Variants in RORA observed in about 807,000 individuals in gnomAD.
RORA encodes the protein nuclear receptor ROR-alpha.
RORA carries 7 observed loss-of-function variants against 69.5 expected under a neutral mutation model. That is an observed-to-expected ratio of 0.10 (90% CI 0.06 to 0.19). The LOEUF (loss-of-function observed/expected upper bound fraction) is 0.19, where lower values mean the gene tolerates loss of function less well. Among genes scored for constraint, RORA ranks in the 10% least tolerant of loss-of-function variants. The pLI, the probability that RORA is intolerant of heterozygous loss-of-function variation, is 1.00. For missense variants in RORA, 457 were observed against 663.0 expected (o/e 0.69, Z 3.41); for synonymous variants, 261 against 240.8 (o/e 1.08, Z -0.78).
At chr15:60,795,531 C>T (rs2072483941) in intron 1 of RORA, among the ~76,000 whole-genome samples, 1 of 152,216 alleles carries the variant, frequency 6.6e-6, no homozygotes, top group South Asian at 2.1e-4. Flanking sequence ...TTCGCTGAGG[C>T]ACAGTTTGAT....
intron 1 of RORA, among the ~76,000 whole-genome samples, chr15:60,828,819 C>T (rs533979316): frequency 5.3e-5 from 8 of 152,308 alleles, no homozygotes; most frequent in African/African-American, 1.9e-4. Flanking sequence ...CGGCTCTCCA[C>T]CAGTAGTTCT....
At chr15:61,066,043 A>T (rs2140564774) in intron 1 of RORA, among the ~76,000 whole-genome samples, 1 of 152,224 alleles carries the variant, frequency 6.6e-6, no homozygotes, top group South Asian at 2.1e-4. Flanking sequence ...CCTTTTACTT[A>T]TGTCTATTTG....
intron 1 of RORA, among the ~76,000 whole-genome samples, chr15:61,041,673 C>T (rs1896780261): frequency 6.6e-6 from 1 of 152,178 alleles, no homozygotes; most frequent in South Asian, 2.1e-4. Flanking sequence ...ATCTTCCTGC[C>T]TCACATTCCC....
At chr15:60,507,785 AG>A (rs1194758071) in intron 5 of RORA, among the ~76,000 whole-genome samples, 2 of 152,148 alleles carry the variant, frequency 1.3e-5, no homozygotes, top group Non-Finnish European at 2.9e-5. Flanking sequence ...GCAGGGAAGT[AG>A]GGGGGGATGC....
chr15:61,200,969 TG>T (rs1192127264), intron 1 of RORA, among the ~76,000 whole-genome samples: 1 of 152,240 alleles, frequency 6.6e-6, no homozygotes, highest in East Asian at 1.9e-4. Context: ...GAAGCCGACT[TG>T]TTTTAACAAA....
intron 1 of RORA, among the ~76,000 whole-genome samples, chr15:61,115,278 CAAA>C (rs10551257): frequency 0.078 from 11,402 of 146,366 alleles, 675 homozygotes; most frequent in East Asian, 0.25. Flanking sequence ...ATGGATATTC[CAAA>C]AAAAAAAAAA....
intron 2 of RORA, among the ~76,000 whole-genome samples, chr15:60,633,725 G>A (rs796416673): frequency 2.4e-4 from 36 of 152,294 alleles, no homozygotes; most frequent in African/African-American, 7.9e-4. Context: ...TGTATACAAG[G>A]GAAAACTATG....
chr15:60,921,851 C>G (rs1892057554), intron 1 of RORA, among the ~76,000 whole-genome samples: 1 of 152,174 alleles, frequency 6.6e-6, no homozygotes, highest in Admixed American at 6.5e-5. Flanking sequence ...ACACCTAGCA[C>G]TGAACCTCAC....
At chr15:61,054,102 T>C (rs886153398) in intron 1 of RORA, among the ~76,000 whole-genome samples, 2 of 151,716 alleles carry the variant, frequency 1.3e-5, no homozygotes, top group African/African-American at 4.8e-5. Flanking sequence ...TTCAAGCAAA[T>C]CCACTTGGAT....
At chr15:61,149,914 G>A (rs1402999983) in intron 1 of RORA, among the ~76,000 whole-genome samples, 2 of 152,190 alleles carry the variant, frequency 1.3e-5, no homozygotes, top group Non-Finnish European at 2.9e-5. Context: ...CGGACTGGGA[G>A]TCAAGAATTA....
At chr15:60,628,243 G>A (rs1019253763) in intron 2 of RORA, among the ~76,000 whole-genome samples, 11 of 152,116 alleles carry the variant, frequency 7.2e-5, no homozygotes, top group Non-Finnish European at 1.5e-4. Flanking sequence ...ACAGTTTCTC[G>A]AACTTTCCTT....
intron 1 of RORA, among the ~76,000 whole-genome samples, chr15:60,743,663 A>G (rs535315435): frequency 6.0e-4 from 92 of 152,312 alleles, no homozygotes; most frequent in African/African-American, 2.0e-3. Flanking sequence ...TGGTGAGTGG[A>G]TCTGCCAATC....
chr15:60,869,844 G>A (rs926245150), intron 1 of RORA, among the ~76,000 whole-genome samples: 2 of 152,154 alleles, frequency 1.3e-5, no homozygotes, highest in Admixed American at 6.5e-5. Context: ...TGTTCCCTCT[G>A]GCTTGGTAGT....
intron 1 of RORA, among the ~76,000 whole-genome samples, chr15:61,198,182 A>C (rs2079862114): frequency 6.6e-6 from 1 of 152,224 alleles, no homozygotes; most frequent in Admixed American, 6.5e-5. Context: ...ATATGGATGC[A>C]AACAATCCAT....
At chr15:60,929,099 G>A (rs1892299173) in intron 1 of RORA, among the ~76,000 whole-genome samples, 1 of 152,080 alleles carries the variant, frequency 6.6e-6, no homozygotes, top group South Asian at 2.1e-4. Flanking sequence ...TGCCCCTGCT[G>A]GGTCTACAAG....
chr15:61,146,113 A>G (rs1438781016), intron 1 of RORA, among the ~76,000 whole-genome samples: 2 of 152,202 alleles, frequency 1.3e-5, no homozygotes, highest in African/African-American at 4.8e-5. Context: ...CCTTTTTACA[A>G]TATTTTAATC....
chr15:60,572,829 C>T (rs760064307), intron 2 of RORA, among the ~76,000 whole-genome samples: 3 of 152,160 alleles, frequency 2.0e-5, no homozygotes, highest in Non-Finnish European at 2.9e-5. Flanking sequence ...CAGCTGGCAA[C>T]GAATACTTCT....
chr15:61,192,103 A>C (rs1193338352), intron 1 of RORA, among the ~76,000 whole-genome samples: 1 of 152,234 alleles, frequency 6.6e-6, no homozygotes, highest in African/African-American at 2.4e-5. Flanking sequence ...GTCACCCTTA[A>C]CCAACACGGT....
At chr15:60,530,736 A>G (rs2066502141) in intron 3 of RORA, 1 of 152,142 alleles carries the variant, frequency 6.6e-6, no homozygotes, top group Non-Finnish European at 1.5e-5. Context: ...TGTATTTTCT[A>G]ATTTCATGAA....
Sources: gnomAD v4.1 joint callset for allele counts (sites outside exome capture counted in the v4.1 genomes callset) on GRCh38, gnomAD v4.1.1 for gene constraint, MANE v1.5 for transcripts, NCBI Gene and HGNC (gene_info 2026-07-23, HGNC 2026-07-21) for gene names.